CLVS1: variants seen among roughly 807,000 people sequenced by gnomAD.
The protein encoded by CLVS1 is clavesin-1.
Under a neutral mutation model 33.1 loss-of-function variants are expected in CLVS1, and 10 were observed. That is an observed-to-expected ratio of 0.30 (90% confidence interval 0.19 to 0.51). The LOEUF is 0.51. Among genes scored for constraint, CLVS1 ranks in the 20% least tolerant of loss-of-function variants. CLVS1 has a pLI of 0.97. For missense variants in CLVS1, 343 were observed against 433.4 expected, an observed-to-expected ratio of 0.79 and a Z score of 1.85; for synonymous variants, 163 against 166.1, an observed-to-expected ratio of 0.98 and a Z score of 0.14.
chr8:60,993,203 G>A, the CLVS1 span, among the ~76,000 whole-genome samples: 2 of 152,248 alleles, frequency 1.3e-5, no homozygotes, highest in African/African-American at 4.8e-5. Flanking sequence ...GCTGCCCCCA[G>A]CCCAGCTTGC....
intron 2 of CLVS1, among the ~76,000 whole-genome samples, chr8:61,356,895 G>C (rs1403345079): frequency 6.6e-6 from 1 of 152,102 alleles, no homozygotes; most frequent in Non-Finnish European, 1.5e-5. Context: ...TTGGCAATGC[G>C]GGCTCTTTTT....
chr8:61,432,055 C>G (rs191932916), intron 3 of CLVS1, among the ~76,000 whole-genome samples: 151 of 152,306 alleles, frequency 9.9e-4, no homozygotes, highest in Admixed American at 9.9e-3. Flanking sequence ...GCATATCTTT[C>G]AGCTGAGCCT....
At chr8:61,300,573 T>G in intron 2 of CLVS1, 2 of 284,366 alleles carry the variant, frequency 7.0e-6, no homozygotes, top group African/African-American at 2.2e-5. Context: ...GAACCATATA[T>G]TCTGTCTTTG....
intron 2 of CLVS1, among the ~76,000 whole-genome samples, chr8:61,176,961 C>T (rs1807124019): frequency 1.3e-5 from 2 of 152,252 alleles, no homozygotes; most frequent in South Asian, 4.1e-4. Context: ...GAGTGGTGGC[C>T]AGCACCACAG....
At chr8:61,453,418 C>T (rs1817033584) in intron 3 of CLVS1, among the ~76,000 whole-genome samples, 1 of 152,066 alleles carries the variant, frequency 6.6e-6, no homozygotes, top group Non-Finnish European at 1.5e-5. Flanking sequence ...TTCTTAAATG[C>T]TCTTACTTCC....
intron 2 of CLVS1, among the ~76,000 whole-genome samples, chr8:61,252,282 CTGTT>C (rs1355119165): frequency 1.3e-5 from 2 of 152,092 alleles, no homozygotes; most frequent in Admixed American, 6.6e-5. Flanking sequence ...GTCTGAGAGA[CTGTT>C]TGTTATGATT....
At chr8:61,387,517 G>T in intron 3 of CLVS1, among the ~76,000 whole-genome samples, 1 of 134,512 alleles carries the variant, frequency 7.4e-6, no homozygotes, top group African/African-American at 2.7e-5. Flanking sequence ...GGGAACAAGT[G>T]GTGTTTGGCT....
intron 3 of CLVS1, among the ~76,000 whole-genome samples, chr8:61,424,528 T>A (rs886634522): frequency 6.6e-6 from 1 of 152,248 alleles, no homozygotes; most frequent in Non-Finnish European, 1.5e-5. Flanking sequence ...CTATGTAGAC[T>A]TGCCTTTATT....
intron 3 of CLVS1, among the ~76,000 whole-genome samples, chr8:61,402,181 T>TA (rs1814796032): frequency 6.6e-6 from 1 of 151,888 alleles, no homozygotes; most frequent in Admixed American, 6.6e-5. Context: ...TTAGCAGCCA[T>TA]AAAAAGCAAG....
At chr8:61,089,155 G>T (rs1805184972) in intron 1 of CLVS1, among the ~76,000 whole-genome samples, 1 of 152,074 alleles carries the variant, frequency 6.6e-6, no homozygotes, top group African/African-American at 2.4e-5. Flanking sequence ...TCTCATTGTG[G>T]TTTTAACTTG....
At chr8:61,132,225 G>A (rs1339646758) in intron 2 of CLVS1, among the ~76,000 whole-genome samples, 1 of 152,252 alleles carries the variant, frequency 6.6e-6, no homozygotes, top group Non-Finnish European at 1.5e-5. Context: ...AACTGACCGA[G>A]TCTTGTTGCC....
chr8:61,208,736 C>A (rs59736597), intron 2 of CLVS1, among the ~76,000 whole-genome samples: 1 of 151,958 alleles, frequency 6.6e-6, no homozygotes, highest in African/African-American at 2.4e-5. Context: ...TACAGGCACG[C>A]GCCACCACGC....
intron 1 of CLVS1, among the ~76,000 whole-genome samples, chr8:61,067,957 T>G (rs919549449): frequency 3.3e-5 from 5 of 151,094 alleles, no homozygotes; most frequent in African/African-American, 1.2e-4. Flanking sequence ...CCTGCACATG[T>G]ACCCCCTAAA....
intron 2 of CLVS1, among the ~76,000 whole-genome samples, chr8:61,252,326 T>C (rs1363022727): frequency 2.6e-5 from 4 of 152,156 alleles, no homozygotes; most frequent in Admixed American, 2.6e-4. Context: ...TGAGGAGTGT[T>C]TTACTTCCAA....
chr8:61,357,303 G>A (rs181401218), intron 2 of CLVS1, among the ~76,000 whole-genome samples: 158 of 152,012 alleles, frequency 1.0e-3, no homozygotes, highest in African/African-American at 3.7e-3. Context: ...ACGATCTATG[G>A]AACTTTCTTT....
chr8:61,410,085 T>C (rs1395676773), intron 3 of CLVS1, among the ~76,000 whole-genome samples: 10 of 147,946 alleles, frequency 6.8e-5, no homozygotes, highest in South Asian at 2.2e-4. Flanking sequence ...TTTTTTTTTT[T>C]CTTTGTTTTT....
At chr8:60,980,149 T>C in the CLVS1 span, among the ~76,000 whole-genome samples, 5 of 152,238 alleles carry the variant, frequency 3.3e-5, no homozygotes, top group Non-Finnish European at 5.9e-5. Flanking sequence ...CAAGTTCTAA[T>C]GGCCAGGTTT....
Position 61,369,066 on chromosome 8 carries a change from C to T in CLVS1, c.456-7539C>T, listed in dbSNP as rs535412883. ...TTCCTTTTCGCTTTTCTCTTCTTCCCTTCCATCCTTCCTTTTTCTTCTTGA... is the reference window on the plus strand; with the variant it reads ...TTCCTTTTCGCTTTTCTCTTCTTCCTTTCCATCCTTCCTTTTTCTTCTTGA... On this transcript the variant is annotated intron_variant, in intron 2 of 5. Transcript: ENST00000325897. Among the ~76,000 whole-genome samples the T allele has an allele frequency of 3.3e-5, 5 of 151,724 alleles. No homozygotes were observed. In the South Asian group the frequency reaches 1.0e-3, roughly 32 times the overall value.
upstream of CLVS1, among the ~76,000 whole-genome samples, chr8:61,052,977 T>C (rs924808237): frequency 2.0e-4 from 31 of 152,118 alleles, no homozygotes; most frequent in Non-Finnish European, 2.4e-4. Context: ...ATGGCTGGAC[T>C]CTAGATGTAA....
Sources: gnomAD v4.1 joint callset for allele counts (sites outside exome capture counted in the v4.1 genomes callset) on GRCh38, gnomAD v4.1.1 for gene constraint, MANE v1.5 for transcripts, NCBI Gene and HGNC (gene_info 2026-07-23, HGNC 2026-07-21) for gene names.